GBGT1: variants seen among roughly 807,000 people sequenced by gnomAD.
GBGT1 encodes the protein globoside alpha-1,3-N-acetylgalactosaminyltransferase 1 (FORS blood group), also known as globoside alpha-1,3-N-acetylgalactosaminyltransferase 1.
Under a neutral mutation model 20.9 loss-of-function variants are expected in GBGT1, and 18 were observed. The observed-to-expected ratio is 0.86, with a 90% confidence interval of 0.60 to 1.28. The LOEUF (loss-of-function observed/expected upper bound fraction) is 1.28, where lower values mean the gene tolerates loss of function less well. Ranked by LOEUF, GBGT1 falls within the 50% of genes most tolerant of loss-of-function variation. The pLI, the probability that GBGT1 is intolerant of heterozygous loss-of-function variation, is 0.00. For missense variants in GBGT1, 432 were observed against 455.7 expected, an observed-to-expected ratio of 0.95 and a Z score of 0.47; for synonymous variants, 168 against 180.8, an observed-to-expected ratio of 0.93 and a Z score of 0.57.
chr9:133,153,350 C>T lies in GBGT1; in HGVS notation c.*227G>A, dbSNP rs867814200. 3 of 385,654 alleles carry T rather than the reference C, an allele frequency of 7.8e-6. No individual in the cohort carries two copies. The highest frequency in any genetic ancestry group is 6.4e-4 in the Middle Eastern group (1 of 1,552). 23.9% of individuals were successfully genotyped at this position (385,654 alleles called of 1,614,324 possible). A position where few individuals can be genotyped will look rare whatever the true frequency, so the allele number is the denominator to read the frequency against. ...CTGCCGGGCCCTGCCTTTGTAACTG[C>T]GCCTCCCCTCCCCCTGTCTCACTGT... On this transcript the variant is annotated 3_prime_UTR_variant, in exon 7 of 7. Coordinates refer to ENST00000372040, the MANE Select transcript of GBGT1 (RefSeq NM_021996.6).
At chr9:133,156,435 G>A (rs1198346274) in intron 3 of GBGT1, among the ~76,000 whole-genome samples, 1 of 152,206 alleles carries the variant, frequency 6.6e-6, no homozygotes, top group Non-Finnish European at 1.5e-5. Context: ...GCGGAGGCGG[G>A]TGGATCACAA....
Position 133,153,362 on chromosome 9 carries a change from C to T in GBGT1, c.*215G>A, listed in dbSNP as rs1418460086. On this transcript the variant is annotated 3_prime_UTR_variant, in exon 7 of 7. Coordinates refer to ENST00000372040, the MANE Select transcript of GBGT1 (RefSeq NM_021996.6). ...GCCTTTGTAACTGCGCCTCCCCTCC[C>T]CCTGTCTCACTGTTCCCATGCCGCG... 5.1e-6 allele frequency: 2 copies of T among 395,056 alleles called. No individual in the cohort carries two copies. The highest frequency in any genetic ancestry group is 7.4e-5 in the East Asian group (2 of 27,104). The allele number at this position is 395,056 out of a possible 1,614,324, so 24.5% of individuals were successfully genotyped here. A position where few individuals can be genotyped will look rare whatever the true frequency, so the allele number is the denominator to read the frequency against.
At chr9:133,163,220 C>T (rs910147475) in intron 1 of GBGT1, 1 of 152,304 alleles carries the variant, frequency 6.6e-6, no homozygotes, top group African/African-American at 2.4e-5. Flanking sequence ...GAAGGGGCGC[C>T]CAGGATTCCC....
chr9:133,161,545 A>G lies in GBGT1; in HGVS notation c.72-13T>C. 6.3e-7 allele frequency: 1 copy of G among 1,591,340 alleles called. No individual in the cohort carries two copies. Among genetic ancestry groups the G allele is most frequent in the Middle Eastern group, 1.7e-4 (1 of 6,014 alleles). On this transcript the variant is annotated splice_polypyrimidine_tract_variant and intron_variant, in intron 2 of 6. Transcript: ENST00000372040. The stretch of plus-strand genomic sequence containing the variant: ...CTCAAGATACACCCTGTGAATAAAA[A>G]AAAGAAAAAAAATCTGTTGATCCAC...
chr9:133,156,110 CAG>C lies in GBGT1; in HGVS notation c.138-47_138-46del, dbSNP rs35378181. 5.1e-4 allele frequency: 823 copies of C among 1,606,898 alleles called. 4 individuals carry two copies. The African/African-American group carries it at 9.9e-3, about 19-fold the overall frequency. ...AGAGCCATCATCATGGGTCTGGGGACAGAGACACTCAGCACAGGAAGAAGGAG... is the reference window on the plus strand; with the variant it reads ...AGAGCCATCATCATGGGTCTGGGGACAGACACTCAGCACAGGAAGAAGGAG... On this transcript the variant is annotated intron_variant, in intron 3 of 6. Coordinates refer to ENST00000372040, the MANE Select transcript of GBGT1 (RefSeq NM_021996.6).
chr9:133,161,798 C>G (rs931006968), intron 2 of GBGT1, among the ~76,000 whole-genome samples: 1 of 152,238 alleles, frequency 6.6e-6, no homozygotes, highest in African/African-American at 2.4e-5. Context: ...CCAGGCCCCC[C>G]ACACAAACAG....
chr9:133,155,308 T>G lies in GBGT1; in HGVS notation c.229A>C (p.Thr77Pro). Residue 77 changes from threonine to proline, a missense_variant, in exon 6 of 7, where the codon ACA (threonine) becomes CCA (proline). Physicochemically the swap from Thr to Pro is conservative, Grantham distance 38. Transcript: ENST00000372040. ...CAGGGTGTGAGTGTCAGCAGCTGTG[T>G]GGGCCTGGCAGCAGGGGGGCCGTGG... is the stretch of plus-strand genomic sequence containing the variant. ...PQPKLLEHRP[T>P]QLLTLTPWLA... is the part of the protein sequence containing the mutation. 6.2e-7 allele frequency: 1 copy of G among 1,613,914 alleles called. No individual in the cohort carries two copies. The highest frequency in any genetic ancestry group is 8.5e-7 in the Non-Finnish European group (1 of 1,179,958).
At position 133,156,034 on chromosome 9, in the gene GBGT1, G is replaced by A; in HGVS notation, c.169C>T (p.Pro57Ser). The change falls in exon 4 of 7, where the codon CCA (proline) becomes TCA (serine). Residue 57 changes from proline to serine, a missense_variant. Transcript: ENST00000372040. ...CCTTACCATACCACGGGCTGGAGTG[G>A]CTTCTCCCTCTTGTAGTGCAGCTTC... ...NMKLHYKREK[P>S]LQPVVWSQYP... 3 of 1,614,116 alleles carry A rather than the reference G, an allele frequency of 1.9e-6. No homozygotes were observed. The highest frequency in any genetic ancestry group is 2.5e-6 in the Non-Finnish European group (3 of 1,179,988).
chr9:133,163,010 T>G (rs1833101946), intron 1 of GBGT1: 1 of 154,370 alleles, frequency 6.5e-6, no homozygotes, highest in Non-Finnish European at 1.4e-5. Flanking sequence ...CCAGCTGTCC[T>G]TTGGGAGAGG....
intron 3 of GBGT1, among the ~76,000 whole-genome samples, chr9:133,158,373 A>G (rs139380685): frequency 0.011 from 1,651 of 152,116 alleles, 33 homozygotes; most frequent in African/African-American, 0.037. Context: ...TGACTGCCTG[A>G]GCTCAAGCGG....
At chr9:133,155,338 T>C (rs1832840930) in intron 5 of GBGT1, 26 bp from the exon 6 acceptor site, 1 of 1,612,882 alleles carries the variant, frequency 6.2e-7, no homozygotes, top group Non-Finnish European at 8.5e-7. Flanking sequence ...CCGTGGGCAC[T>C]GAGACCCTCC....
chr9:133,158,203 C>T (rs1029307457), intron 3 of GBGT1, among the ~76,000 whole-genome samples: 5 of 152,194 alleles, frequency 3.3e-5, no homozygotes, highest in African/African-American at 7.2e-5. Context: ...GGCCGACTGT[C>T]CCCAGGCAGA....
intron 3 of GBGT1, among the ~76,000 whole-genome samples, chr9:133,158,436 A>G (rs114764838): frequency 6.0e-4 from 91 of 152,038 alleles, no homozygotes; most frequent in African/African-American, 2.1e-3. Flanking sequence ...CCACCACCAC[A>G]CCCAGCTGTT....
chr9:133,155,748 G>T (rs1832851972), intron 5 of GBGT1, among the ~76,000 whole-genome samples, 153 bp downstream of exon 5: 1 of 151,962 alleles, frequency 6.6e-6, no homozygotes, highest in Non-Finnish European at 1.5e-5. Flanking sequence ...CACAGCCCAG[G>T]TCCCTGACTC....
Position 133,154,219 on chromosome 9 carries a change from C to A in GBGT1, c.402G>T (p.Glu134Asp). The A allele has an allele frequency of 6.5e-7, 1 of 1,544,546 alleles. No individual in the cohort carries two copies. Residue 134 changes from glutamate to aspartate, a missense_variant, in exon 7 of 7, where the codon GAG becomes GAT. Physicochemically the swap from Glu to Asp is conservative, Grantham distance 45 (BLOSUM62 2). Transcript: ENST00000372040. This position sits in a 1 kb window ranked among gnomAD's most constrained non-coding sequence, Gnocchi z 4.2. ...FIQSFLESAE[E>D]FFMRGYRVHY... is the part of the protein sequence containing the mutation. ...GCACCCGGTACCCACGCATGAAGAA[C>A]TCCTCGGCTGACTCCAGGAAGGACT...
In GBGT1 at chr9:133,153,716, T is replaced by G; in HGVS notation, c.905A>C (p.Asn302Thr). 1.9e-6 allele frequency: 3 copies of G among 1,613,776 alleles called. No homozygotes were observed. Among genetic ancestry groups the G allele is most frequent in the Admixed American group, 3.3e-5 (2 of 60,000 alleles). ...MAAWREESHL[N>T]RHFISNKPSK... is the part of the protein sequence containing the mutation. ...CGGCTTGTTTGAGATGAAGTGACGG[T>G]TCAGGTGGCTTTCCTCCCGCCAGGC... The change falls in exon 7 of 7, where the codon AAC becomes ACC. Residue 302 changes from asparagine (N) to threonine (T), a missense_variant. Asn to Thr is a moderately conservative substitution (Grantham distance 65, BLOSUM62 0). Transcript: ENST00000372040.
chr9:133,159,180 T>C (rs1030625518), intron 3 of GBGT1, among the ~76,000 whole-genome samples: 16 of 152,268 alleles, frequency 1.1e-4, no homozygotes, highest in African/African-American at 3.9e-4. Context: ...AGGCTGGTCT[T>C]GAACTCCTGA....
At position 133,162,390 on chromosome 9, in the gene GBGT1, A is replaced by G. The variant is rs1320996919; in HGVS notation, c.23T>C (p.Leu8Pro). The change falls in exon 2 of 7, where the codon CTG (leucine) becomes CCG (proline). Residue 8 changes from leucine (L) to proline (P), a missense_variant. Physicochemically the swap from Leu to Pro is moderately conservative, Grantham distance 98. Coordinates refer to ENST00000372040, the MANE Select transcript of GBGT1 (RefSeq NM_021996.6). ...CGCCAACAGGCAGAACCCCAGACCC[A>G]GGGCCAGTCTCCGGCGATGCATTGC... MHRRRLALGLGFCLLAGT... is the reference protein window; with the variant it reads MHRRRLAPGLGFCLLAGT... 4 of 1,610,430 alleles carry G rather than the reference A, an allele frequency of 2.5e-6. No individual in the cohort carries two copies. The highest frequency in any genetic ancestry group is 1.1e-5 in the South Asian group (1 of 89,994).
intron 3 of GBGT1, chr9:133,160,165 G>T: frequency 2.9e-6 from 1 of 350,830 alleles, no homozygotes; most frequent in South Asian, 2.0e-5. Flanking sequence ...TGTAATCCCA[G>T]CTATTCAGGT....
Sources: gnomAD v4.1 joint callset for allele counts (sites outside exome capture counted in the v4.1 genomes callset) on GRCh38, gnomAD v4.1.1 for gene constraint, Gnocchi (gnomAD v3.1) non-coding constraint, MANE v1.5 for transcripts, NCBI Gene and HGNC (gene_info 2026-07-23, HGNC 2026-07-21) for gene names.